The following CHODL variants were observed in gnomAD, a reference collection of about 807,000 sequenced individuals.
The protein encoded by CHODL is transmembrane protein MT75.
In CHODL, 29 loss-of-function variants were observed where a neutral mutation model predicts 34.5. The ratio of observed to expected loss-of-function variants is 0.84; its 90% CI spans 0.63 to 1.15. The LOEUF (loss-of-function observed/expected upper bound fraction) is 1.15. Among genes scored for constraint, CHODL ranks in the 50% most tolerant of loss-of-function variants. CHODL has a pLI of 0.00. For synonymous variants in CHODL, 125 were observed against 116.1 expected, an observed-to-expected ratio of 1.08 and a Z score of -0.49; for missense variants, 332 against 332.5, an observed-to-expected ratio of 1.00 and a Z score of 0.01.
intron 2 of CHODL, among the ~76,000 whole-genome samples, chr21:18,211,456 T>G (rs1044365518): frequency 6.6e-6 from 1 of 151,936 alleles, no homozygotes; most frequent in African/African-American, 2.4e-5. Context: ...CAGCAATGAG[T>G]CCAAAAGGAA....
At chr21:18,127,210 C>A (rs976470981) in intron 2 of CHODL, among the ~76,000 whole-genome samples, 4 of 151,682 alleles carry the variant, frequency 2.6e-5, no homozygotes, top group Non-Finnish European at 1.5e-5. Flanking sequence ...TGAAAATGTT[C>A]TAAAAATACA....
At chr21:17,973,374 A>G (rs1476000920) in intron 1 of CHODL, among the ~76,000 whole-genome samples, 1 of 151,468 alleles carries the variant, frequency 6.6e-6, no homozygotes, top group Non-Finnish European at 1.5e-5. Context: ...GTGGGAGACA[A>G]TTTTTGCAAT....
chr21:18,184,193 C>T (rs185111352), intron 2 of CHODL, among the ~76,000 whole-genome samples: 31 of 152,176 alleles, frequency 2.0e-4, no homozygotes, highest in Non-Finnish European at 3.8e-4. Context: ...GGAAGAAAAG[C>T]GATTTTGAGT....
At chr21:18,018,334 A>G (rs1462085958) in intron 1 of CHODL, among the ~76,000 whole-genome samples, 4 of 152,122 alleles carry the variant, frequency 2.6e-5, no homozygotes, top group African/African-American at 7.2e-5. Flanking sequence ...TCTCTGCTCA[A>G]ATCTCATGTT....
chr21:18,028,264 CT>C (rs1211223463), intron 2 of CHODL, among the ~76,000 whole-genome samples: 3,012 of 38,382 alleles, frequency 0.078, 298 homozygotes, highest in African/African-American at 0.26. Flanking sequence ...TTTTCTTTTT[CT>C]TTTTCCTTTT....
intron 2 of CHODL, among the ~76,000 whole-genome samples, chr21:18,160,474 T>TCTC (rs1037381193): frequency 3.3e-5 from 5 of 151,890 alleles, no homozygotes; most frequent in African/African-American, 1.2e-4. Context: ...TATTTTTCCT[T>TCTC]CTCCTCCTCC....
At position 18,249,040 on chromosome 21, in the gene CHODL, ATAT is replaced by A. The variant is rs1316669538; in HGVS notation, c.79+3742_79+3744del. Among the ~76,000 whole-genome samples, 459 of 113,948 alleles carry A rather than the reference ATAT, an allele frequency of 4.0e-3. 4 individuals are homozygous for A. The highest frequency in any genetic ancestry group is 0.015 in the African/African-American group (346 of 23,352). The allele number at this position is 113,948 out of a possible 152,430, so 74.8% of individuals were successfully genotyped here. A position where few individuals can be genotyped will look rare whatever the true frequency, so the allele number is the denominator to read the frequency against. On this transcript the variant is annotated intron_variant, in intron 1 of 5. Transcript: ENST00000299295. ...ATTATACATAATATTAATATATATA[ATAT>A]TATATATATTATATATAATTTACTA...
chr21:17,957,612 C>A lies in CHODL; in HGVS notation c.-145+40212C>A, dbSNP rs544553587. Among the ~76,000 whole-genome samples the A allele has an allele frequency of 2.4e-3, 369 of 151,952 alleles. 1 individual carries two copies. Among genetic ancestry groups the A allele is most frequent in the African/African-American group, 8.2e-3 (342 of 41,482 alleles). ...TTTTGTATTGCTCATATTCTATAAA[C>A]CAGAATCTTTATCTTCTGTTCAATA... On this transcript the variant is annotated intron_variant, in intron 1 of 6. Coordinates refer to the CHODL transcript ENST00000400127.
At chr21:18,135,580 C>A (rs1487219173) in intron 2 of CHODL, among the ~76,000 whole-genome samples, 1 of 152,104 alleles carries the variant, frequency 6.6e-6, no homozygotes, top group Non-Finnish European at 1.5e-5. Context: ...ATTTTTAATT[C>A]TTGGAAGTCT....
intron 1 of CHODL, among the ~76,000 whole-genome samples, chr21:17,947,204 G>T (rs2063417599): frequency 6.6e-6 from 1 of 151,946 alleles, no homozygotes. Flanking sequence ...GTAATAGGAG[G>T]AACTTCAGAA....
At chr21:18,246,352 C>T (rs1437414514) in intron 1 of CHODL, among the ~76,000 whole-genome samples, 4 of 152,106 alleles carry the variant, frequency 2.6e-5, no homozygotes, top group Non-Finnish European at 4.4e-5. Context: ...ACAGGTGTCA[C>T]TAGATGTAGA....
At chr21:18,248,714 A>ATG (rs1464096425) in intron 1 of CHODL, among the ~76,000 whole-genome samples, 1 of 121,310 alleles carries the variant, frequency 8.2e-6, no homozygotes, top group Non-Finnish European at 1.6e-5. Context: ...TATATAATAT[A>ATG]TACATATATA....
chr21:18,146,029 A>C (rs999067225), intron 2 of CHODL, among the ~76,000 whole-genome samples: 1 of 151,924 alleles, frequency 6.6e-6, no homozygotes, highest in South Asian at 2.1e-4. Flanking sequence ...AGTGCAGTGG[A>C]GCAATCTCGG....
rs1489251968 is a variant in CHODL, at chr21:18,073,035, A to G, written c.-45+45064A>G. Among the ~76,000 whole-genome samples, 4 of 152,280 alleles carry G rather than the reference A, an allele frequency of 2.6e-5. No homozygotes were observed. The East Asian group carries it at 5.8e-4, about 22-fold the overall frequency. ...TCAATGTGTAACTTCTTCAGTAACA[A>G]TAACATTTAGATAAGGAATATTTTG... On this transcript the variant is annotated intron_variant, in intron 2 of 6. Coordinates refer to the CHODL transcript ENST00000400127.
intron 2 of CHODL, among the ~76,000 whole-genome samples, chr21:18,053,146 C>G (rs1289016145): frequency 6.6e-6 from 1 of 151,806 alleles, no homozygotes; most frequent in Non-Finnish European, 1.5e-5. Flanking sequence ...GAGACCAATT[C>G]TGAAGGAGTT....
At chr21:18,240,779 T>C (rs181238440), upstream of CHODL, among the ~76,000 whole-genome samples, 58 of 152,284 alleles carry the variant, frequency 3.8e-4, no homozygotes, top group Middle Eastern at 0.017. Context: ...CATGCACATA[T>C]ATTTATATGA....
intron 2 of CHODL, among the ~76,000 whole-genome samples, chr21:18,084,275 C>T (rs1229584832): frequency 6.8e-6 from 1 of 146,604 alleles, no homozygotes; most frequent in Admixed American, 6.9e-5. Context: ...TCCTGTTAAA[C>T]CTGTGAGTTA....
chr21:18,030,219 C>G (rs1197325640), intron 2 of CHODL, among the ~76,000 whole-genome samples: 2 of 152,194 alleles, frequency 1.3e-5, no homozygotes, highest in Non-Finnish European at 2.9e-5. Context: ...TACGCATTCT[C>G]TTGCCTACTC....
At chr21:18,117,592 CA>C (rs150266658) in intron 2 of CHODL, among the ~76,000 whole-genome samples, 15,793 of 151,984 alleles carry the variant, frequency 0.1, 1,310 homozygotes, top group African/African-American at 0.23. Flanking sequence ...GATTAATGAA[CA>C]AGACTGATTA....
Sources: allele counts gnomAD v4.1 joint callset (sites outside exome capture counted in the v4.1 genomes callset), GRCh38; gene constraint gnomAD v4.1.1; transcripts MANE v1.5; gene names NCBI Gene and HGNC (gene_info 2026-07-23, HGNC 2026-07-21).